KCNK1: variants seen among roughly 807,000 people sequenced by gnomAD.
KCNK1 encodes the protein potassium two pore domain channel subfamily K member 1, also known as potassium channel subfamily K member 1.
KCNK1 carries 10 observed loss-of-function variants against 22.2 expected under a neutral mutation model. That is an observed-to-expected ratio of 0.45 (90% CI 0.28 to 0.76). The LOEUF is 0.76. Ranked by LOEUF, KCNK1 falls within the 30% of genes least tolerant of loss-of-function variation. KCNK1 has a pLI of 0.14. For missense variants in KCNK1, 378 were observed against 421.0 expected (o/e 0.90, Z 0.89); for synonymous variants, 200 against 186.4 (o/e 1.07, Z -0.60).
At position 233,614,344 on chromosome 1, in the gene KCNK1, A is replaced by G; in HGVS notation, c.173A>G (p.Lys58Arg). ...YEDLLRQELR[K>R]LKRRFLEEHE... The stretch of plus-strand genomic sequence containing the variant: ...GACCTGCTGCGCCAGGAGCTGCGCA[A>G]GCTGAAGCGACGCTTCTTGGAGGAG... The change falls in exon 1 of 3, where the codon AAG becomes AGG. Residue 58 changes from lysine to arginine, a missense_variant. Transcript: ENST00000366621. The G allele has an allele frequency of 1.2e-6, 2 of 1,611,672 alleles. No homozygotes were observed. Among genetic ancestry groups the G allele is most frequent in the Non-Finnish European group, 1.7e-6 (2 of 1,179,038 alleles).
Position 233,671,356 on chromosome 1 carries a change from G to C in KCNK1, c.837G>C (p.Met279Ile), listed in dbSNP as rs760129381. Residue 279 changes from methionine to isoleucine, a missense_variant, in exon 3 of 3, where the codon ATG becomes ATC. Transcript: ENST00000366621. ...ELHELKKFRK[M>I]FYVKKDKDED... ...ATGAGCTGAAAAAATTCAGAAAAAT[G>C]TTCTATGTGAAGAAGGACAAGGACG... is the stretch of plus-strand genomic sequence containing the variant. The C allele has an allele frequency of 9.3e-6, 15 of 1,614,152 alleles. No individual in the cohort carries two copies. Among genetic ancestry groups the C allele is most frequent in the Non-Finnish European group, 1.3e-5 (15 of 1,180,018 alleles).
chr1:233,651,562 G>T (rs916113916), intron 1 of KCNK1, among the ~76,000 whole-genome samples: 1 of 152,186 alleles, frequency 6.6e-6, no homozygotes, highest in Non-Finnish European at 1.5e-5. Context: ...GGTAAAGAAA[G>T]TGAGAGGGGA....
intron 1 of KCNK1, among the ~76,000 whole-genome samples, chr1:233,661,487 G>A (rs1041909962): frequency 1.3e-5 from 2 of 152,200 alleles, no homozygotes; most frequent in Non-Finnish European, 2.9e-5. Context: ...GAATGAGGCA[G>A]TAAAAAGTGA....
chr1:233,650,424 C>T (rs2282428), intron 1 of KCNK1, among the ~76,000 whole-genome samples: 97,782 of 151,964 alleles, frequency 0.64, 31,520 homozygotes, highest in East Asian at 0.7. Flanking sequence ...AATATTAAAA[C>T]GTGTGCAGAG....
chr1:233,639,294 A>G (rs570471436), intron 1 of KCNK1, among the ~76,000 whole-genome samples: 31 of 152,242 alleles, frequency 2.0e-4, no homozygotes, highest in Non-Finnish European at 3.7e-4. Context: ...CTCTACAAGT[A>G]TATTTTTCAT....
At chr1:233,658,086 GAA>G (rs1658331465) in intron 1 of KCNK1, among the ~76,000 whole-genome samples, 2 of 151,994 alleles carry the variant, frequency 1.3e-5, no homozygotes, top group Non-Finnish European at 2.9e-5. Context: ...AAAATGGATG[GAA>G]AAACAGTTCT....
At chr1:233,634,858 G>A (rs1289437663) in intron 1 of KCNK1, among the ~76,000 whole-genome samples, 1 of 152,214 alleles carries the variant, frequency 6.6e-6, no homozygotes, top group Non-Finnish European at 1.5e-5. Flanking sequence ...ATGTCCTGCT[G>A]AGGCATATGA....
rs558914898 is a variant in KCNK1 at position 233,627,434 on chromosome 1, C to G, written c.355+12908C>G. Among the ~76,000 whole-genome samples the G allele has an allele frequency of 3.4e-3, 517 of 152,252 alleles. 1 individual carries two copies. Among genetic ancestry groups the G allele is most frequent in the African/African-American group, 0.012 (487 of 41,532 alleles). On this transcript the variant is annotated intron_variant, in intron 1 of 2. Coordinates refer to ENST00000366621, the MANE Select transcript of KCNK1 (RefSeq NM_002245.4). ...AGATGGATTAAGTTAATTAAAGAAC[C>G]TGGAGAGGCTGTTCCGCAGCTGCCT...
At chr1:233,658,760 A>C (rs1441287985) in intron 1 of KCNK1, among the ~76,000 whole-genome samples, 1 of 152,246 alleles carries the variant, frequency 6.6e-6, no homozygotes, top group Non-Finnish European at 1.5e-5. Context: ...TGGAGATCTA[A>C]ATATATCCAA....
intron 1 of KCNK1, chr1:233,661,973 C>T (rs1658400618): frequency 6.6e-6 from 1 of 152,208 alleles, no homozygotes; most frequent in South Asian, 2.1e-4. Context: ...AAGTCACTAA[C>T]AGCACCGGTG....
chr1:233,628,614 G>A (rs1657733507), intron 1 of KCNK1, among the ~76,000 whole-genome samples: 1 of 152,050 alleles, frequency 6.6e-6, no homozygotes, highest in Non-Finnish European at 1.5e-5. Context: ...TCAAAAATTA[G>A]CCAGGCGTGG....
intron 1 of KCNK1, among the ~76,000 whole-genome samples, chr1:233,633,651 G>A (rs1657844985): frequency 6.6e-6 from 1 of 152,118 alleles, no homozygotes; most frequent in Non-Finnish European, 1.5e-5. Flanking sequence ...GGAAAACTCT[G>A]AAAAGGACAC....
intron 1 of KCNK1, among the ~76,000 whole-genome samples, chr1:233,619,633 C>T (rs888443924): frequency 6.6e-6 from 1 of 151,972 alleles, no homozygotes; most frequent in Non-Finnish European, 1.5e-5. Flanking sequence ...TGAAGTGGGC[C>T]AGACACGGTG....
At chr1:233,643,981 C>T (rs921813148) in intron 1 of KCNK1, among the ~76,000 whole-genome samples, 4 of 152,214 alleles carry the variant, frequency 2.6e-5, no homozygotes, top group African/African-American at 9.6e-5. Context: ...GTTCATGGTG[C>T]TTCTTAAACA....
chr1:233,630,114 G>A (rs1361759657), intron 1 of KCNK1, among the ~76,000 whole-genome samples: 4 of 152,116 alleles, frequency 2.6e-5, no homozygotes, highest in Admixed American at 2.6e-4. Context: ...GAATTCTCAT[G>A]GATTCAGCCG....
intron 1 of KCNK1, among the ~76,000 whole-genome samples, chr1:233,640,585 A>G (rs1374810804): frequency 6.6e-6 from 1 of 152,220 alleles, no homozygotes; most frequent in Non-Finnish European, 1.5e-5. Context: ...GTAACATTTT[A>G]CATTTGTATT....
intron 1 of KCNK1, among the ~76,000 whole-genome samples, chr1:233,646,137 G>A (rs765949528): frequency 6.6e-6 from 1 of 152,138 alleles, no homozygotes. Flanking sequence ...CATTCAAGGT[G>A]GAAGTTTGAA....
At chr1:233,616,842 C>CTTCCCTACAAGGGAAATAAATCTTTAT (rs1657495312) in intron 1 of KCNK1, among the ~76,000 whole-genome samples, 1 of 152,186 alleles carries the variant, frequency 6.6e-6, no homozygotes, top group East Asian at 1.9e-4. Context: ...GAAATCTTTT[C>CTTCCCTACAAGGGAAATAAATCTTTAT]TTCCCTACAA....
chr1:233,650,073 T>A (rs1658172548), intron 1 of KCNK1: 1 of 532,808 alleles, frequency 1.9e-6, no homozygotes, highest in South Asian at 1.4e-5. Flanking sequence ...TTCTTGTCCT[T>A]GTAATATGCC....
Sources: gnomAD v4.1 joint callset for allele counts (sites outside exome capture counted in the v4.1 genomes callset) on GRCh38, gnomAD v4.1.1 for gene constraint, MANE v1.5 for transcripts, NCBI Gene and HGNC (gene_info 2026-07-23, HGNC 2026-07-21) for gene names.